Variants in MTUS2 observed in about 807,000 individuals in gnomAD.
MTUS2 encodes microtubule associated scaffold protein 2, also known as microtubule-associated tumor suppressor candidate 2.
MTUS2 carries 40 observed loss-of-function variants against 114.1 expected under a neutral mutation model. The observed-to-expected ratio is 0.35, with a 90% CI of 0.27 to 0.46. The LOEUF is 0.46. MTUS2 is among the 20% of genes least tolerant of loss of function. The pLI is 1.00. For missense variants in MTUS2, 1,679 were observed against 1,705.4 expected (o/e 0.98, Z 0.27); for synonymous variants, 688 against 672.0 (o/e 1.02, Z -0.37).
At chr13:28,853,189 G>A (rs1451801587) in intron 2 of MTUS2, among the ~76,000 whole-genome samples, 1 of 152,198 alleles carries the variant, frequency 6.6e-6, no homozygotes, top group Non-Finnish European at 1.5e-5. Flanking sequence ...ATGAATGTGT[G>A]GTAGGCGGGG....
Position 29,024,574 on chromosome 13 carries a change from A to G in MTUS2, c.-125A>G. On this transcript the variant is annotated 5_prime_UTR_variant, in exon 3 of 16. Transcript: ENST00000612955. Reference sequence around the variant, plus strand: ...CTGAGAATGATTAAAGCAGTGTCGCAAGGTGACATTGTCAGGGGAGAACAA... The same window carrying G: ...CTGAGAATGATTAAAGCAGTGTCGCGAGGTGACATTGTCAGGGGAGAACAA... 1.7e-6 allele frequency: 2 copies of G among 1,163,506 alleles called. No homozygotes were observed. Among genetic ancestry groups the G allele is most frequent in the Non-Finnish European group, 1.2e-6 (1 of 814,050 alleles). The allele number at this position is 1,163,506 out of a possible 1,614,324, so 72.1% of individuals were successfully genotyped here.
At chr13:29,415,215 A>T (rs1875578050) in intron 8 of MTUS2, among the ~76,000 whole-genome samples, 1 of 152,054 alleles carries the variant, frequency 6.6e-6, no homozygotes, top group African/African-American at 2.4e-5. Context: ...ATCAATTTTG[A>T]TAAATGGTTT....
intron 5 of MTUS2, among the ~76,000 whole-genome samples, chr13:29,115,079 A>G (rs1350881633): frequency 2.0e-5 from 3 of 152,228 alleles, no homozygotes; most frequent in East Asian, 3.8e-4. Context: ...TACAGGATAA[A>G]TGAAATGAAA....
At chr13:29,152,038 G>A (rs528346051) in intron 5 of MTUS2, among the ~76,000 whole-genome samples, 2 of 152,216 alleles carry the variant, frequency 1.3e-5, no homozygotes, top group Admixed American at 6.5e-5. Flanking sequence ...GATGATGCCG[G>A]CTTCATAGAA....
At chr13:28,961,501 T>A (rs778311874) in intron 2 of MTUS2, among the ~76,000 whole-genome samples, 31 of 152,178 alleles carry the variant, frequency 2.0e-4, no homozygotes, top group Non-Finnish European at 4.3e-4. Context: ...TACTCCGTTA[T>A]AATTACTTCC....
At chr13:29,140,270 C>T (rs987100317) in intron 5 of MTUS2, among the ~76,000 whole-genome samples, 2 of 151,980 alleles carry the variant, frequency 1.3e-5, no homozygotes, top group African/African-American at 2.4e-5. Context: ...AGGAATAAGC[C>T]ATGAAGAGGT....
intron 4 of MTUS2, among the ~76,000 whole-genome samples, chr13:29,090,253 G>A (rs1273118053): frequency 6.6e-6 from 1 of 152,168 alleles, no homozygotes; most frequent in Non-Finnish European, 1.5e-5. Flanking sequence ...CTGAGACCAG[G>A]CTTTTGGTTT....
At chr13:29,417,049 A>G (rs900147983) in intron 8 of MTUS2, among the ~76,000 whole-genome samples, 1 of 152,180 alleles carries the variant, frequency 6.6e-6, no homozygotes, top group Non-Finnish European at 1.5e-5. Context: ...ATAATTTATA[A>G]TTTAGAGGTT....
intron 6 of MTUS2, among the ~76,000 whole-genome samples, chr13:29,312,439 A>C (rs1285707123): frequency 6.6e-6 from 1 of 152,234 alleles, no homozygotes; most frequent in Admixed American, 6.5e-5. Flanking sequence ...CTTTCAAGTA[A>C]AACTACAGGA....
intron 2 of MTUS2, among the ~76,000 whole-genome samples, chr13:28,911,652 C>T (rs1417956216): frequency 6.6e-6 from 1 of 152,050 alleles, no homozygotes; most frequent in African/African-American, 2.4e-5. Flanking sequence ...TTCTCCACAA[C>T]CTCAGCAGCA....
Position 29,401,299 on chromosome 13 carries a change from C to T in MTUS2, c.3118-38684C>T, listed in dbSNP as rs551052875. Among the ~76,000 whole-genome samples, 4 of 152,214 alleles carry T rather than the reference C, an allele frequency of 2.6e-5. No individual in the cohort carries two copies. In the South Asian group the frequency reaches 6.2e-4, roughly 24 times the overall value. ...GATTACAGGTGTGAGCCACCATGCC[C>T]GGCCACAAATATTTTCTTTATAGAT... On this transcript the variant is annotated intron_variant, in intron 8 of 15. Coordinates refer to ENST00000612955, the MANE Select transcript of MTUS2 (RefSeq NM_001033602.4).
intron 5 of MTUS2, among the ~76,000 whole-genome samples, chr13:29,249,592 G>C (rs559628033): frequency 6.6e-6 from 1 of 152,022 alleles, no homozygotes; most frequent in African/African-American, 2.4e-5. Context: ...ATGTTTGTTG[G>C]CGGCATAAAT....
At chr13:29,336,072 T>C (rs561077819) in intron 7 of MTUS2, among the ~76,000 whole-genome samples, 117 of 152,324 alleles carry the variant, frequency 7.7e-4, no homozygotes, top group African/African-American at 2.7e-3. Flanking sequence ...GTTATTCTAG[T>C]TAGCAATTCC....
intron 2 of MTUS2, among the ~76,000 whole-genome samples, chr13:28,916,681 G>GT (rs1280026653): frequency 1.3e-5 from 2 of 151,190 alleles, no homozygotes; most frequent in Non-Finnish European, 3.0e-5. Context: ...GCGTCTTTAG[G>GT]TTTTTTTCAA....
At chr13:29,260,697 C>A (rs1285527768) in intron 5 of MTUS2, among the ~76,000 whole-genome samples, 12 of 152,196 alleles carry the variant, frequency 7.9e-5, no homozygotes, top group African/African-American at 2.7e-4. Context: ...CTACCAGTCT[C>A]GTTTTACACT....
At chr13:29,092,119 C>T (rs1300968520) in intron 4 of MTUS2, among the ~76,000 whole-genome samples, 1 of 152,178 alleles carries the variant, frequency 6.6e-6, no homozygotes, top group African/African-American at 2.4e-5. Context: ...GTTGGGTTCC[C>T]AGTGAAACCA....
At chr13:29,428,562 T>G in intron 8 of MTUS2, 2 of 702,666 alleles carry the variant, frequency 2.8e-6, no homozygotes, top group South Asian at 5.1e-5. Flanking sequence ...AGTGGCAAAG[T>G]GACCCTCCCT....
At chr13:29,310,555 A>C (rs1899707901) in intron 6 of MTUS2, among the ~76,000 whole-genome samples, 1 of 152,212 alleles carries the variant, frequency 6.6e-6, no homozygotes, top group African/African-American at 2.4e-5. Flanking sequence ...GTGAGTGCAC[A>C]AAAAGGCAGA....
In MTUS2 at chr13:29,505,277, A is replaced by C. The variant is rs1883157524; in HGVS notation, c.*2071A>C. 1 of 231,582 alleles carries C rather than the reference A, an allele frequency of 4.3e-6. No homozygotes were observed. Among genetic ancestry groups the C allele is most frequent in the African/African-American group, 2.2e-5 (1 of 45,230 alleles). The allele number at this position is 231,582 out of a possible 1,614,324, so 14.3% of individuals were successfully genotyped here. ...CACCTGCTAAATGCAGTTACACAGCAATACTGACTTCCGTGTGATGCTAGA... is the reference window on the plus strand; with the variant it reads ...CACCTGCTAAATGCAGTTACACAGCCATACTGACTTCCGTGTGATGCTAGA... On this transcript the variant is annotated 3_prime_UTR_variant, in exon 16 of 16. Coordinates refer to ENST00000612955, the MANE Select transcript of MTUS2 (RefSeq NM_001033602.4).
Sources: allele counts gnomAD v4.1 joint callset (sites outside exome capture counted in the v4.1 genomes callset), GRCh38; gene constraint gnomAD v4.1.1; transcripts MANE v1.5; gene names NCBI Gene and HGNC (gene_info 2026-07-23, HGNC 2026-07-21).